Variants in GPC5 observed in about 807,000 individuals in gnomAD.
GPC5 encodes glypican-5.
GPC5 carries 47 observed loss-of-function variants against 53.9 expected under a neutral mutation model. That is an observed-to-expected ratio of 0.87 (90% CI 0.69 to 1.11). GPC5 has a LOEUF of 1.11. GPC5 is among the 50% of genes most tolerant of loss of function. GPC5 has a pLI of 0.00. For synonymous variants in GPC5, 286 were observed against 263.3 expected (o/e 1.09, Z -0.84); for missense variants, 748 against 713.1 (o/e 1.05, Z -0.56).
intron 7 of GPC5, among the ~76,000 whole-genome samples, chr13:92,327,451 A>G (rs889412025): frequency 5.9e-5 from 9 of 152,184 alleles, no homozygotes; most frequent in Non-Finnish European, 1.2e-4. Context: ...TTTGAAAGGT[A>G]AGATTTACCT....
At chr13:92,005,173 T>TA in intron 6 of GPC5, among the ~76,000 whole-genome samples, 1 of 152,098 alleles carries the variant, frequency 6.6e-6, no homozygotes, top group East Asian at 1.9e-4. Context: ...TTGCAATCCC[T>TA]AAAAAAGAAA....
At chr13:92,537,909 G>A (rs1462984591) in intron 7 of GPC5, among the ~76,000 whole-genome samples, 1 of 152,006 alleles carries the variant, frequency 6.6e-6, no homozygotes, top group African/African-American at 2.4e-5. Flanking sequence ...TTCTTAATGT[G>A]TCTCCTATTG....
intron 6 of GPC5, among the ~76,000 whole-genome samples, chr13:92,019,439 T>A (rs1447207464): frequency 1.3e-5 from 2 of 151,986 alleles, no homozygotes; most frequent in South Asian, 4.1e-4. Context: ...TGAAGGAAAA[T>A]AATCCAAATC....
chr13:92,481,106 AT>A (rs199678556), intron 7 of GPC5, among the ~76,000 whole-genome samples: 44,351 of 146,856 alleles, frequency 0.3, 7,557 homozygotes, highest in East Asian at 0.53. Flanking sequence ...ATTTTTTTGC[AT>A]TTTTTTTTTT....
At chr13:92,169,057 T>C (rs1004356647) in intron 7 of GPC5, among the ~76,000 whole-genome samples, 4 of 152,124 alleles carry the variant, frequency 2.6e-5, no homozygotes, top group African/African-American at 9.7e-5. Flanking sequence ...GAAGCCATTA[T>C]CCTCAGCAAA....
chr13:91,511,355 T>A (rs1349155346), intron 2 of GPC5, among the ~76,000 whole-genome samples: 1 of 152,314 alleles, frequency 6.6e-6, no homozygotes, highest in South Asian at 2.1e-4. Flanking sequence ...ATATGTCCAT[T>A]ATTTGGCTTC....
chr13:91,978,936 A>G (rs895013645), intron 6 of GPC5, among the ~76,000 whole-genome samples: 7 of 152,202 alleles, frequency 4.6e-5, no homozygotes, highest in African/African-American at 1.7e-4. Flanking sequence ...TTGACAGAAC[A>G]GGTTGATAAG....
intron 7 of GPC5, among the ~76,000 whole-genome samples, chr13:92,740,900 A>T (rs4313686): frequency 8.4e-4 from 40 of 47,820 alleles, no homozygotes; most frequent in Admixed American, 3.1e-3. Flanking sequence ...ATTTATTTAT[A>T]TATATATATA....
chr13:91,950,847 G>A (rs920779904), intron 6 of GPC5, among the ~76,000 whole-genome samples: 12 of 152,104 alleles, frequency 7.9e-5, no homozygotes, highest in African/African-American at 2.9e-4. Context: ...GCACAAAGAG[G>A]TTTAGAAACT....
chr13:92,610,062 T>A, intron 7 of GPC5, among the ~76,000 whole-genome samples: 1 of 146,814 alleles, frequency 6.8e-6, no homozygotes, highest in Non-Finnish European at 1.5e-5. Context: ...AAAATGAAGT[T>A]CAATGTACAC....
chr13:92,588,499 G>C (rs1169863495), intron 7 of GPC5, among the ~76,000 whole-genome samples: 2 of 152,178 alleles, frequency 1.3e-5, no homozygotes, highest in South Asian at 2.1e-4. Flanking sequence ...TTCCATTTGT[G>C]AAGATCTGCT....
chr13:91,528,213 A>G (rs956739101), intron 2 of GPC5, among the ~76,000 whole-genome samples: 1 of 152,218 alleles, frequency 6.6e-6, no homozygotes, highest in Non-Finnish European at 1.5e-5. Flanking sequence ...CATAAGTTAC[A>G]ATTTCAATCA....
intron 7 of GPC5, among the ~76,000 whole-genome samples, chr13:92,780,251 T>C (rs1414165169): frequency 1.3e-5 from 2 of 151,816 alleles, no homozygotes; most frequent in Non-Finnish European, 2.9e-5. Context: ...TGATTATAGT[T>C]CCTTGTAATT....
chr13:91,530,084 A>G (rs987127345), intron 2 of GPC5, among the ~76,000 whole-genome samples: 14 of 152,170 alleles, frequency 9.2e-5, no homozygotes, highest in Non-Finnish European at 8.8e-5. Flanking sequence ...TTACAAGAAA[A>G]TGTCTTGGGA....
chr13:92,828,893 C>T (rs1228176301), intron 7 of GPC5, among the ~76,000 whole-genome samples: 1 of 152,128 alleles, frequency 6.6e-6, no homozygotes, highest in Non-Finnish European at 1.5e-5. Context: ...GGATACAATG[C>T]ACACTATTCG....
At chr13:92,494,640 TA>T (rs1237913833) in intron 7 of GPC5, among the ~76,000 whole-genome samples, 1 of 152,162 alleles carries the variant, frequency 6.6e-6, no homozygotes, top group African/African-American at 2.4e-5. Context: ...TCTTAGCCCC[TA>T]AAAATATATA....
chr13:92,296,881 C>T (rs541905342), intron 7 of GPC5, among the ~76,000 whole-genome samples: 1,586 of 152,338 alleles, frequency 0.01, 27 homozygotes, highest in Middle Eastern at 0.044. Flanking sequence ...GATTTCTCGC[C>T]GGGCCTTAGC....
chr13:91,771,009 T>A (rs2037614716), intron 5 of GPC5, among the ~76,000 whole-genome samples: 1 of 152,168 alleles, frequency 6.6e-6, no homozygotes, highest in Non-Finnish European at 1.5e-5. Flanking sequence ...TGCAGAGAAA[T>A]GCATACCATA....
intron 2 of GPC5, among the ~76,000 whole-genome samples, chr13:91,669,728 C>T (rs540598174): frequency 5.3e-5 from 8 of 152,188 alleles, no homozygotes; most frequent in Non-Finnish European, 1.2e-4. Flanking sequence ...ATTAATTGTC[C>T]ATAGAAGTAA....
Sources: allele counts gnomAD v4.1 joint callset (sites outside exome capture counted in the v4.1 genomes callset), GRCh38; gene constraint gnomAD v4.1.1; transcripts MANE v1.5; gene names NCBI Gene and HGNC (gene_info 2026-07-23, HGNC 2026-07-21).